The following DCDC1 variants were observed in gnomAD, a reference collection of about 807,000 sequenced individuals.
The protein encoded by DCDC1 is doublecortin domain containing 1, also known as doublecortin domain-containing protein 1.
DCDC1 carries 200 observed loss-of-function variants against 178.3 expected under a neutral mutation model. The observed-to-expected ratio is 1.12, with a 90% CI of 1.00 to 1.26. DCDC1 has a LOEUF of 1.26. Ranked by LOEUF, DCDC1 falls within the 50% of genes most tolerant of loss-of-function variation. The pLI is 0.00. For missense variants in DCDC1, 1,983 were observed against 1,749.2 expected, an observed-to-expected ratio of 1.13 and a Z score of -2.38; for synonymous variants, 690 against 604.8, an observed-to-expected ratio of 1.14 and a Z score of -2.07.
At chr11:30,868,675 G>A (rs1311211462) in intron 38 of DCDC1, among the ~76,000 whole-genome samples, 2 of 152,176 alleles carry the variant, frequency 1.3e-5, no homozygotes, top group Non-Finnish European at 2.9e-5. Context: ...CTCTTGTTTG[G>A]AAATCTTCTA....
intron 1 of DCDC1, among the ~76,000 whole-genome samples, chr11:31,355,110 G>T (rs980270185): frequency 6.6e-6 from 1 of 152,138 alleles, no homozygotes; most frequent in African/African-American, 2.4e-5. Context: ...GCTAGAGAGG[G>T]TAATCAATAT....
chr11:31,259,529 A>T (rs976770117), intron 8 of DCDC1, among the ~76,000 whole-genome samples: 1 of 152,166 alleles, frequency 6.6e-6, no homozygotes, highest in Admixed American at 6.5e-5. Context: ...CCTATCTTAT[A>T]GATAAGGAAA....
chr11:31,305,621 T>A lies in DCDC1; in HGVS notation c.748A>T (p.Ile250Phe). 1 of 1,612,844 alleles carries A rather than the reference T, an allele frequency of 6.2e-7. No homozygotes were observed. The change falls in exon 6 of 39, where the codon ATT (isoleucine) becomes TTT (phenylalanine). Residue 250 changes from isoleucine (I) to phenylalanine (F), a missense_variant. Transcript: ENST00000684477. ...TTTTTTAGATCTTTTTTACCTTTAATTTTTTTGAATGGATTTAAAAAGGGC... is the reference window on the plus strand; with the variant it reads ...TTTTTTAGATCTTTTTTACCTTTAAATTTTTTGAATGGATTTAAAAAGGGC... ...GEPFLNPFKKIKDHLLLIKKV... is the reference protein window; with the variant it reads ...GEPFLNPFKKFKDHLLLIKKV...
chr11:30,899,146 A>G (rs895065477), intron 34 of DCDC1, among the ~76,000 whole-genome samples: 1 of 152,054 alleles, frequency 6.6e-6, no homozygotes, highest in African/African-American at 2.4e-5. Context: ...AAAACAAAAA[A>G]AAAAACTTCT....
chr11:30,940,325 C>A (rs1000937005), intron 21 of DCDC1, among the ~76,000 whole-genome samples: 14 of 152,058 alleles, frequency 9.2e-5, no homozygotes, highest in African/African-American at 3.4e-4. Flanking sequence ...GATGCCAGAC[C>A]CCCAGTTGTT....
intron 8 of DCDC1, among the ~76,000 whole-genome samples, chr11:31,250,385 T>TACACACACACACACACACACACACACAC (rs10640581): frequency 7.5e-5 from 7 of 92,786 alleles, no homozygotes; most frequent in Admixed American, 1.1e-4. Flanking sequence ...AGTGAATGAA[T>TACACACACACACACACACACACACACAC]ACACACACAC....
At chr11:31,206,149 G>C (rs1370505901) in intron 9 of DCDC1, among the ~76,000 whole-genome samples, 2 of 152,128 alleles carry the variant, frequency 1.3e-5, no homozygotes, top group Non-Finnish European at 2.9e-5. Context: ...AAACCAGTAG[G>C]TGAAAAGTTG....
At chr11:31,263,202 T>A (rs1944910211) in intron 8 of DCDC1, 7 of 835,610 alleles carry the variant, frequency 8.4e-6, no homozygotes, top group Non-Finnish European at 1.2e-5. Context: ...AATCTGATGT[T>A]TTAATTCCAG....
chr11:31,235,571 A>G (rs914422321), intron 9 of DCDC1, among the ~76,000 whole-genome samples: 8 of 152,036 alleles, frequency 5.3e-5, no homozygotes, highest in Non-Finnish European at 7.4e-5. Flanking sequence ...AGTTCATTCA[A>G]AAAGTATTAT....
intron 38 of DCDC1, among the ~76,000 whole-genome samples, chr11:30,866,371 C>G (rs1198837657): frequency 1.3e-5 from 2 of 152,054 alleles, no homozygotes; most frequent in Non-Finnish European, 2.9e-5. Flanking sequence ...TCATATGGTG[C>G]CTGGTTCCAA....
intron 6 of DCDC1, among the ~76,000 whole-genome samples, chr11:31,302,272 A>G (rs1370905714): frequency 6.6e-6 from 1 of 152,172 alleles, no homozygotes; most frequent in East Asian, 1.9e-4. Flanking sequence ...TAGCAGTTAT[A>G]AAGGAACTGA....
intron 20 of DCDC1, among the ~76,000 whole-genome samples, chr11:31,025,878 A>G (rs1373054429): frequency 6.6e-6 from 1 of 151,802 alleles, no homozygotes; most frequent in Non-Finnish European, 1.5e-5. Context: ...AATCTGATAC[A>G]TGGTGGCATA....
chr11:30,946,509 T>G (rs188450499), intron 21 of DCDC1, among the ~76,000 whole-genome samples: 12 of 152,336 alleles, frequency 7.9e-5, no homozygotes, highest in African/African-American at 2.6e-4. Flanking sequence ...TTTTCCAGAC[T>G]GTTGCTTCAC....
chr11:30,902,500 A>G (rs979591678), intron 32 of DCDC1, among the ~76,000 whole-genome samples: 3 of 152,182 alleles, frequency 2.0e-5, no homozygotes, highest in Admixed American at 1.3e-4. Flanking sequence ...GACATGTTAA[A>G]TATATATACA....
At chr11:31,030,248 T>C (rs1333226375) in intron 20 of DCDC1, among the ~76,000 whole-genome samples, 2 of 152,188 alleles carry the variant, frequency 1.3e-5, no homozygotes, top group Non-Finnish European at 2.9e-5. Flanking sequence ...AAGCCTCATT[T>C]ACTACCTTTG....
In DCDC1 at chr11:31,225,039, C is replaced by T. The variant is rs544656931; in HGVS notation, c.1221+16411G>A. Among the ~76,000 whole-genome samples the T allele has an allele frequency of 4.6e-5, 7 of 152,120 alleles. No individual in the cohort carries two copies. The South Asian group carries it at 8.3e-4, about 18-fold the overall frequency. On this transcript the variant is annotated intron_variant, in intron 9 of 38. Transcript: ENST00000684477. ...TACCAAAAAGGAAAAGAAGTCACTA[C>T]GTGAAAAAGACACATGCACATGCAT...
chr11:31,216,760 G>A (rs556162863), intron 9 of DCDC1, among the ~76,000 whole-genome samples: 20 of 152,222 alleles, frequency 1.3e-4, no homozygotes, highest in Non-Finnish European at 2.2e-4. Context: ...GACAGAGATG[G>A]TCTGTGGCCT....
At chr11:30,950,178 A>C (rs1335058738) in intron 21 of DCDC1, among the ~76,000 whole-genome samples, 1 of 152,194 alleles carries the variant, frequency 6.6e-6, no homozygotes, top group Non-Finnish European at 1.5e-5. Context: ...AAAGAAAGAC[A>C]ACAATGAATG....
chr11:30,952,549 C>T lies in DCDC1; in HGVS notation c.2611G>A (p.Gly871Arg), dbSNP rs777691281. 23 of 1,507,418 alleles carry T rather than the reference C, an allele frequency of 1.5e-5. No homozygotes were observed. Among genetic ancestry groups the T allele is most frequent in the Non-Finnish European group, 2.0e-5 (22 of 1,105,196 alleles). The allele number at this position is 1,507,418 out of a possible 1,614,324, so 93.4% of individuals were successfully genotyped here. A position where few individuals can be genotyped will look rare whatever the true frequency, so the allele number is the denominator to read the frequency against. The change falls in exon 21 of 39, where the codon GGA (glycine) becomes AGA (arginine). Residue 871 changes from glycine to arginine, a missense_variant. Gly to Arg is a moderately radical substitution (Grantham distance 125). Transcript: ENST00000684477. ...TTCCACTGGCCTGGCTTACTGGTTC[C>T]TTCATGTTTTATGGCCCACCTAAAA... The part of the protein sequence containing the change: ...SAQRWAIKHE[G>R]TSKPGQWKHS...
Sources: allele counts gnomAD v4.1 joint callset (sites outside exome capture counted in the v4.1 genomes callset), GRCh38; gene constraint gnomAD v4.1.1; transcripts MANE v1.5; gene names NCBI Gene and HGNC (gene_info 2026-07-23, HGNC 2026-07-21).